The following MAPK10 variants were observed in gnomAD, a reference collection of about 807,000 sequenced individuals.
MAPK10 encodes the protein JNK3 alpha protein kinase.
A neutral mutation model predicts 59.3 loss-of-function variants in MAPK10; 25 were observed. The ratio of observed to expected loss-of-function variants is 0.42; its 90% CI spans 0.31 to 0.59. MAPK10 has a LOEUF of 0.59. MAPK10 is among the 20% of genes least tolerant of loss of function. The pLI, the probability that MAPK10 is intolerant of heterozygous loss-of-function variation, is 0.15. For synonymous variants in MAPK10, 190 were observed against 200.5 expected (o/e 0.95, Z 0.44); for missense variants, 351 against 568.9 (o/e 0.62, Z 3.90).
chr4:86,048,902 A>T (rs572129304), intron 11 of MAPK10, among the ~76,000 whole-genome samples: 1 of 152,188 alleles, frequency 6.6e-6, no homozygotes, highest in East Asian at 1.9e-4. Context: ...CATACCACTA[A>T]TCTCTGTGAA....
Position 86,413,925 on chromosome 4 carries a change from C to G in MAPK10, c.-122+39105G>C, listed in dbSNP as rs564348012. ...CAGCTTGCCCTCCATGGGTGGCACCCACTGTCCAACCAGTCCCAGTGAGAT... is the reference window on the plus strand; with the variant it reads ...CAGCTTGCCCTCCATGGGTGGCACCGACTGTCCAACCAGTCCCAGTGAGAT... On this transcript the variant is annotated intron_variant, in intron 1 of 13. Coordinates refer to the MAPK10 transcript ENST00000361569. Among the ~76,000 whole-genome samples, 75 of 152,298 alleles carry G rather than the reference C, an allele frequency of 4.9e-4. No homozygotes were observed. In the South Asian group the frequency reaches 7.0e-3, roughly 14 times the overall value.
chr4:86,075,987 C>T (rs2049287281), intron 9 of MAPK10, among the ~76,000 whole-genome samples: 2 of 151,680 alleles, frequency 1.3e-5, no homozygotes, highest in Non-Finnish European at 3.0e-5. Flanking sequence ...GCGCCCCTCC[C>T]CCAGCCCTCC....
chr4:86,480,657 AC>A (rs1482925825), intron 1 of MAPK10, among the ~76,000 whole-genome samples: 2 of 152,142 alleles, frequency 1.3e-5, no homozygotes, highest in Non-Finnish European at 2.9e-5. Context: ...AATTTCCATA[AC>A]CCCTGCTGGA....
intron 2 of MAPK10, among the ~76,000 whole-genome samples, chr4:86,292,322 T>C (rs2095250676): frequency 6.6e-6 from 1 of 152,186 alleles, no homozygotes; most frequent in Admixed American, 6.5e-5. Flanking sequence ...ATTCTTAAGA[T>C]GATGAAGCAC....
intron 11 of MAPK10, among the ~76,000 whole-genome samples, chr4:86,033,584 T>G (rs1026182912): frequency 1.3e-5 from 2 of 152,220 alleles, no homozygotes; most frequent in African/African-American, 4.8e-5. Context: ...TGTACAGCTG[T>G]TGCTGATATA....
intron 1 of MAPK10, among the ~76,000 whole-genome samples, chr4:86,442,124 A>C (rs1749492928): frequency 6.6e-6 from 1 of 152,214 alleles, no homozygotes; most frequent in Admixed American, 6.5e-5. Flanking sequence ...AGATGTATTC[A>C]TGGCATTTTT....
chr4:86,131,446 A>G (rs766208990), intron 4 of MAPK10, among the ~76,000 whole-genome samples: 2 of 152,200 alleles, frequency 1.3e-5, no homozygotes, highest in African/African-American at 2.4e-5. Flanking sequence ...TGAAAAGCAC[A>G]GTTAGGAATG....
chr4:86,453,230 G>A (rs1188457035), upstream of MAPK10: 1 of 152,376 alleles, frequency 6.6e-6, no homozygotes, highest in Non-Finnish European at 1.5e-5. Context: ...AATTTCAACT[G>A]ATGGAGAAGT....
intron 2 of MAPK10, among the ~76,000 whole-genome samples, chr4:86,240,540 A>T (rs1249200077): frequency 6.6e-6 from 1 of 152,166 alleles, no homozygotes; most frequent in Admixed American, 6.5e-5. Context: ...TTGGGTGCAT[A>T]CATATTTAGA....
chr4:86,297,443 G>C (rs1359205088), intron 2 of MAPK10, among the ~76,000 whole-genome samples: 1 of 152,026 alleles, frequency 6.6e-6, no homozygotes, highest in Non-Finnish European at 1.5e-5. Context: ...CCGAGTAGCT[G>C]CTGGGATTAC....
In MAPK10 at chr4:86,014,921, G is replaced by A. The variant is rs1336400350; in HGVS notation, c.*2307C>T. ...TTAATCCCATGTGGTATAAAGTAAG[G>A]GAGGGGAGAAGCCACAGATATATCA... On this transcript the variant is annotated 3_prime_UTR_variant, in exon 14 of 14. Coordinates refer to ENST00000641462, the MANE Select transcript of MAPK10 (RefSeq NM_138982.4). 2.6e-5 allele frequency: 4 copies of A among 151,618 alleles called. No individual in the cohort carries two copies. Among genetic ancestry groups the A allele is most frequent in the African/African-American group, 9.7e-5 (4 of 41,154 alleles). 9.4% of individuals were successfully genotyped at this position (151,618 alleles called of 1,614,324 possible). A position where few individuals can be genotyped will look rare whatever the true frequency, so the allele number is the denominator to read the frequency against.
At chr4:86,151,883 T>C (rs1391609280) in intron 4 of MAPK10, 1 of 152,256 alleles carries the variant, frequency 6.6e-6, no homozygotes, top group African/African-American at 2.4e-5. Context: ...ATGTATTAGA[T>C]CTTCTGTAAA....
intron 2 of MAPK10, among the ~76,000 whole-genome samples, chr4:86,343,309 G>C (rs1282230489): frequency 6.6e-6 from 1 of 152,120 alleles, no homozygotes; most frequent in African/African-American, 2.4e-5. Flanking sequence ...ACTTATGAAA[G>C]TACATCCCTC....
intron 4 of MAPK10, among the ~76,000 whole-genome samples, chr4:86,112,085 C>G (rs80098642): frequency 0.015 from 2,251 of 149,742 alleles, 56 homozygotes; most frequent in African/African-American, 0.053. Context: ...TTTATTGTGT[C>G]TATTTGATTA....
At chr4:86,593,008 G>A (rs1763189701) in intron 1 of MAPK10, among the ~76,000 whole-genome samples, 2 of 152,190 alleles carry the variant, frequency 1.3e-5, no homozygotes, top group African/African-American at 4.8e-5. Context: ...TGTATTTTCC[G>A]TTGTGTTTAG....
intron 1 of MAPK10, among the ~76,000 whole-genome samples, chr4:86,479,502 A>G (rs906595848): frequency 3.3e-5 from 5 of 149,320 alleles, no homozygotes; most frequent in Non-Finnish European, 7.4e-5. Context: ...TGTCGTCCCT[A>G]CTATCTTCTG....
intron 4 of MAPK10, chr4:86,152,678 G>A (rs572185469): frequency 2.6e-4 from 39 of 152,304 alleles, no homozygotes; most frequent in African/African-American, 9.4e-4. Flanking sequence ...TGACTTAGTA[G>A]AGAGAAGGGC....
At chr4:86,093,730 G>C (rs1231331050) in intron 9 of MAPK10, among the ~76,000 whole-genome samples, 1 of 151,722 alleles carries the variant, frequency 6.6e-6, no homozygotes, top group African/African-American at 2.4e-5. Flanking sequence ...TATTAAACTT[G>C]CTTTTATTTC....
intron 4 of MAPK10, among the ~76,000 whole-genome samples, chr4:86,112,678 A>G (rs2057686537): frequency 1.3e-5 from 2 of 152,144 alleles, no homozygotes; most frequent in African/African-American, 4.8e-5. Context: ...ACTGAGAAGA[A>G]TGTATATTCT....
Sources: gnomAD v4.1 joint callset for allele counts (sites outside exome capture counted in the v4.1 genomes callset) on GRCh38, gnomAD v4.1.1 for gene constraint, MANE v1.5 for transcripts, NCBI Gene and HGNC (gene_info 2026-07-23, HGNC 2026-07-21) for gene names.